SKOR2: variants seen among roughly 807,000 people sequenced by gnomAD.
The protein encoded by SKOR2 is SKI family transcriptional corepressor 2.
In SKOR2, 47 loss-of-function variants were observed where a neutral mutation model predicts 69.1. The ratio of observed to expected loss-of-function variants is 0.68; its 90% CI spans 0.54 to 0.87. The LOEUF is 0.87. Among genes scored for constraint, SKOR2 ranks in the 40% least tolerant of loss-of-function variants. The pLI is 0.00. For synonymous variants in SKOR2, 717 were observed against 672.6 expected (o/e 1.07, Z -1.02); for missense variants, 1,404 against 1,472.2 (o/e 0.95, Z 0.76).
intron 7 of SKOR2, among the ~76,000 whole-genome samples, chr18:47,214,424 G>A (rs1235163309): frequency 6.6e-6 from 1 of 152,020 alleles, no homozygotes; most frequent in Non-Finnish European, 1.5e-5. Context: ...CTACTAGAAT[G>A]TTGATTTTTT....
intron 4 of SKOR2, among the ~76,000 whole-genome samples, chr18:47,233,439 A>G (rs1426945088): frequency 5.3e-5 from 8 of 152,256 alleles, no homozygotes. Flanking sequence ...CAAGAAAAAT[A>G]GTATTTTGAG....
chr18:47,247,072 CGGCGGG>C lies in SKOR2; in HGVS notation c.2106_2111del (p.Pro705_Pro706del). The stretch of plus-strand genomic sequence containing the variant: ...GGTGCGGGTGCTGGGCCAGAGGGGG[CGGCGGG>C]GGCGGCGGCGGCGGCGGCGGCGGGG... On this transcript the variant is annotated inframe_deletion, in exon 2 of 9. Coordinates refer to ENST00000425639, the MANE Select transcript of SKOR2 (RefSeq NM_001278063.4). This position sits in a 1 kb window ranked among gnomAD's most constrained non-coding sequence, Gnocchi z 6.6. The C allele has an allele frequency of 1.4e-6, 1 of 696,388 alleles. No individual in the cohort carries two copies. Among genetic ancestry groups the C allele is most frequent in the Non-Finnish European group, 1.9e-6 (1 of 520,656 alleles). 43.1% of individuals were successfully genotyped at this position (696,388 alleles called of 1,614,324 possible). A position where few individuals can be genotyped will look rare whatever the true frequency, so the allele number is the denominator to read the frequency against.
chr18:47,225,723 G>T (rs992097783), intron 6 of SKOR2, among the ~76,000 whole-genome samples: 1 of 152,120 alleles, frequency 6.6e-6, no homozygotes, highest in African/African-American at 2.4e-5. Context: ...CTGTGCTCCA[G>T]ATAAGAAGGA....
intron 6 of SKOR2, among the ~76,000 whole-genome samples, chr18:47,221,780 A>T (rs2064162267): frequency 6.6e-6 from 1 of 152,122 alleles, no homozygotes; most frequent in Non-Finnish European, 1.5e-5. Context: ...TAAACAGTTG[A>T]GTTCTTAGAG....
chr18:47,232,367 C>G (rs1353354911), intron 4 of SKOR2, among the ~76,000 whole-genome samples: 1 of 152,184 alleles, frequency 6.6e-6, no homozygotes, highest in Non-Finnish European at 1.5e-5. Context: ...TATCCACAGT[C>G]ATGAATTGAG....
chr18:47,234,471 T>C (rs1231149282), intron 4 of SKOR2: 9 of 152,216 alleles, frequency 5.9e-5, no homozygotes, highest in South Asian at 2.1e-4. Flanking sequence ...GAAATTTGTA[T>C]GTTATCCTTG....
chr18:47,249,238 G>C lies in SKOR2; in HGVS notation c.-47-8C>G. 6.7e-7 allele frequency: 1 copy of C among 1,491,386 alleles called. No homozygotes were observed. Among genetic ancestry groups the C allele is most frequent in the South Asian group, 1.3e-5 (1 of 76,458 alleles). The allele number at this position is 1,491,386 out of a possible 1,614,324, so 92.4% of individuals were successfully genotyped here. A position where few individuals can be genotyped will look rare whatever the true frequency, so the allele number is the denominator to read the frequency against. ...ACAGGTCTGCCTTGGACACTGGAAG[G>C]GAAAGGAGAAAGCGTTGACTTGAGC... On this transcript the variant is annotated splice_polypyrimidine_tract_variant and splice_region_variant and intron_variant, in intron 1 of 8. Transcript: ENST00000425639.
At chr18:47,221,691 C>A (rs1401956328) in intron 6 of SKOR2, among the ~76,000 whole-genome samples, 1 of 152,040 alleles carries the variant, frequency 6.6e-6, no homozygotes, top group South Asian at 2.1e-4. Flanking sequence ...TTTTGTACTT[C>A]TCCAGCACCC....
Position 47,248,333 on chromosome 18 carries a change from G to T in SKOR2, c.851C>A (p.Ala284Glu), listed in dbSNP as rs950382670. Residue 284 changes from alanine (A) to glutamate (E), a missense_variant, in exon 2 of 9, where the codon GCG (alanine) becomes GAG (glutamate). Around this residue, in one of 3 missense-constraint regions of SKOR2, gnomAD observed 1,266 missense variants for 1,309.9 expected, o/e 0.97. Coordinates refer to ENST00000425639, the MANE Select transcript of SKOR2 (RefSeq NM_001278063.4). The surrounding 1 kb of genome is among the most constrained non-coding windows in gnomAD (Gnocchi z 6.4). ...GGLLGPHLLG[A>E]PPPPPPPPPP... ...CGGTGGCGGCGGCGGCGGCGGGGGC[G>T]CACCCAGCAGGTGGGGGCCCAGCAG... The T allele has an allele frequency of 1.2e-5, 14 of 1,202,290 alleles. No individual in the cohort carries two copies. In the East Asian group the frequency reaches 3.9e-4, roughly 33 times the overall value. The allele number at this position is 1,202,290 out of a possible 1,614,324, so 74.5% of individuals were successfully genotyped here. A position where few individuals can be genotyped will look rare whatever the true frequency, so the allele number is the denominator to read the frequency against.
chr18:47,247,821 A>G lies in SKOR2; in HGVS notation c.1363T>C (p.Trp455Arg). 1.4e-6 allele frequency: 2 copies of G among 1,394,174 alleles called. No individual in the cohort carries two copies. The highest frequency in any genetic ancestry group is 1.8e-6 in the Non-Finnish European group (2 of 1,082,210). 86.4% of individuals were successfully genotyped at this position (1,394,174 alleles called of 1,614,324 possible). A position where few individuals can be genotyped will look rare whatever the true frequency, so the allele number is the denominator to read the frequency against. Residue 455 changes from tryptophan (W) to arginine (R), a missense_variant, in exon 2 of 9, where the codon TGG (tryptophan) becomes CGG (arginine). Physicochemically the swap from Trp to Arg is moderately radical, Grantham distance 101. Coordinates refer to ENST00000425639, the MANE Select transcript of SKOR2 (RefSeq NM_001278063.4). The surrounding 1 kb of genome is among the most constrained non-coding windows in gnomAD (Gnocchi z 6.6). ...AAGGCGTCCTTGCGGCCCGCGGGCC[A>G]GAAGAGGCCGGACAAGCCGGCCTTG... ...APKAGLSGLF[W>R]PAGRKDAFYP...
intron 6 of SKOR2, among the ~76,000 whole-genome samples, chr18:47,226,113 G>A (rs1223262064): frequency 6.6e-6 from 1 of 152,060 alleles, no homozygotes; most frequent in African/African-American, 2.4e-5. Context: ...CCAGGTTTGG[G>A]GCTAGGCTCT....
At chr18:47,244,880 T>A in intron 4 of SKOR2, 28 bp downstream of exon 4, 1 of 1,527,118 alleles carries the variant, frequency 6.5e-7, no homozygotes, top group Non-Finnish European at 8.8e-7. Context: ...ATCTGACTAT[T>A]CATTCCTCTT....
In SKOR2 at chr18:47,245,495, T is replaced by TTTTTTTTTTTC; in HGVS notation, c.2677+2_2677+3insGAAAAAAAAAA. 6.8e-7 allele frequency: 1 copy of TTTTTTTTTTTC among 1,470,348 alleles called. No individual in the cohort carries two copies. The highest frequency in any genetic ancestry group is 9.0e-7 in the Non-Finnish European group (1 of 1,116,558). The allele number at this position is 1,470,348 out of a possible 1,614,324, so 91.1% of individuals were successfully genotyped here. On this transcript the variant is annotated splice_region_variant and intron_variant, in intron 3 of 8. Transcript: ENST00000425639. ...GGCAGCTGATTTTTTTTTTTTTTTT[T>TTTTTTTTTTTC]ACCTGAAAAGCTGTTGTCATCCTTT...
chr18:47,222,538 C>T (rs79981201), intron 6 of SKOR2, among the ~76,000 whole-genome samples: 1 of 152,110 alleles, frequency 6.6e-6, no homozygotes, highest in Non-Finnish European at 1.5e-5. Context: ...GGGAACCAGC[C>T]CTCCACAAAC....
At position 47,247,881 on chromosome 18, in the gene SKOR2, C is replaced by G; in HGVS notation, c.1303G>C (p.Gly435Arg). Residue 435 changes from glycine (G) to arginine (R), a missense_variant, in exon 2 of 9, where the codon GGG (glycine) becomes CGG (arginine). Physicochemically the swap from Gly to Arg is moderately radical, Grantham distance 125 (BLOSUM62 -2). Coordinates refer to ENST00000425639, the MANE Select transcript of SKOR2 (RefSeq NM_001278063.4). This position sits in a 1 kb window ranked among gnomAD's most constrained non-coding sequence, Gnocchi z 6.6. ...EDAGAAAEALGGAGAGGAGAA... is the reference protein window; with the variant it reads ...EDAGAAAEALRGAGAGGAGAA... ...CCCGCGCCGCCTGCGCCCGCGCCCC[C>G]CAGGGCCTCAGCGGCGGCACCCGCA... The G allele has an allele frequency of 7.3e-7, 1 of 1,363,904 alleles. No individual in the cohort carries two copies. Among genetic ancestry groups the G allele is most frequent in the Non-Finnish European group, 9.4e-7 (1 of 1,067,056 alleles). 84.5% of individuals were successfully genotyped at this position (1,363,904 alleles called of 1,614,324 possible).
chr18:47,241,406 A>T (rs764756059), intron 4 of SKOR2, among the ~76,000 whole-genome samples: 43 of 152,256 alleles, frequency 2.8e-4, no homozygotes, highest in Admixed American at 5.2e-4. Flanking sequence ...GATTCTCAGG[A>T]TCTGACCACA....
chr18:47,245,478 A>ATTTTTTTTTTTT lies in SKOR2; in HGVS notation c.2677+8_2677+19dup, dbSNP rs10670977. On this transcript the variant is annotated intron_variant, in intron 3 of 8. Coordinates refer to ENST00000425639, the MANE Select transcript of SKOR2 (RefSeq NM_001278063.4). ...ATGCAGGCAAGAAAAGTGGCAGCTG[A>ATTTTTTTTTTTT]TTTTTTTTTTTTTTTTTACCTGAAA... is the stretch of plus-strand genomic sequence containing the variant. 6.0e-3 allele frequency: 7,130 copies of ATTTTTTTTTTTT among 1,187,784 alleles called. 125 individuals carry two copies. The highest frequency in any genetic ancestry group is 0.013 in the East Asian group (414 of 32,988). The allele number at this position is 1,187,784 out of a possible 1,614,324, so 73.6% of individuals were successfully genotyped here. A position where few individuals can be genotyped will look rare whatever the true frequency, so the allele number is the denominator to read the frequency against.
At chr18:47,240,127 C>A (rs1029283066) in intron 4 of SKOR2, among the ~76,000 whole-genome samples, 1 of 152,058 alleles carries the variant, frequency 6.6e-6, no homozygotes, top group African/African-American at 2.4e-5. Context: ...AGAATCATAC[C>A]AGTGAAAATC....
At chr18:47,249,285 G>A in intron 1 of SKOR2, 55 bp from the exon 2 acceptor site, 2 of 1,363,356 alleles carry the variant, frequency 1.5e-6, no homozygotes. Context: ...AAAACAGAGG[G>A]GTGGGATGAA....
Sources: allele counts gnomAD v4.1 joint callset (sites outside exome capture counted in the v4.1 genomes callset), GRCh38; gene constraint gnomAD v4.1.1; regional missense constraint gnomAD v4.1.1; non-coding constraint Gnocchi (gnomAD v3.1); transcripts MANE v1.5; gene names NCBI Gene and HGNC (gene_info 2026-07-23, HGNC 2026-07-21).